CCDC6: variants seen among roughly 807,000 people sequenced by gnomAD.
CCDC6 encodes the protein coiled-coil domain containing 6, also known as coiled-coil domain-containing protein 6.
A neutral mutation model predicts 56.6 loss-of-function variants in CCDC6; 20 were observed. The ratio of observed to expected loss-of-function variants is 0.35; its 90% CI spans 0.25 to 0.51. The LOEUF (loss-of-function observed/expected upper bound fraction) is 0.51, where lower values mean the gene tolerates loss of function less well. Ranked by LOEUF, CCDC6 falls within the 20% of genes least tolerant of loss-of-function variation. CCDC6 has a pLI of 0.95. For synonymous variants in CCDC6, 241 were observed against 234.4 expected, an observed-to-expected ratio of 1.03 and a Z score of -0.26; for missense variants, 367 against 601.1, an observed-to-expected ratio of 0.61 and a Z score of 4.07.
intron 2 of CCDC6, among the ~76,000 whole-genome samples, chr10:59,852,203 C>T (rs1213224145): frequency 6.6e-6 from 1 of 152,142 alleles, no homozygotes; most frequent in Non-Finnish European, 1.5e-5. Flanking sequence ...AAAAAGTTTA[C>T]GTACTTATTA....
chr10:59,834,699 G>T (rs1430270010), intron 2 of CCDC6, among the ~76,000 whole-genome samples: 4 of 152,084 alleles, frequency 2.6e-5, no homozygotes, highest in African/African-American at 9.7e-5. Flanking sequence ...CGTCAATCTT[G>T]CAGGGACCCA....
chr10:59,837,075 C>T (rs2070889532), intron 2 of CCDC6, among the ~76,000 whole-genome samples: 1 of 152,200 alleles, frequency 6.6e-6, no homozygotes, highest in Non-Finnish European at 1.5e-5. Context: ...TAGCCTTAAG[C>T]ATCATCCAAT....
At chr10:59,807,703 C>T (rs1427347942) in intron 5 of CCDC6, among the ~76,000 whole-genome samples, 1 of 152,100 alleles carries the variant, frequency 6.6e-6, no homozygotes, top group African/African-American at 2.4e-5. Context: ...TTGGAGTCTA[C>T]AAGTAGCCAC....
At chr10:59,872,489 C>T (rs550383654) in intron 1 of CCDC6, among the ~76,000 whole-genome samples, 7 of 152,268 alleles carry the variant, frequency 4.6e-5, no homozygotes, top group African/African-American at 1.7e-4. Flanking sequence ...CGAAGGTGTC[C>T]AGGGGTTGGG....
chr10:59,800,987 T>C (rs897039640), intron 7 of CCDC6, among the ~76,000 whole-genome samples: 1 of 152,176 alleles, frequency 6.6e-6, no homozygotes, highest in Non-Finnish European at 1.5e-5. Context: ...GAAAACACAC[T>C]AAGCAATATA....
Position 59,867,864 on chromosome 10 carries a change from C to T in CCDC6, c.304-15162G>A, listed in dbSNP as rs573920808. On this transcript the variant is annotated intron_variant, in intron 1 of 8. Transcript: ENST00000263102. ...GATTACAGGTGTGAGCCACTGTCCC[C>T]GGCCAAGAAAAATTTTAAATCTACC... 1.1e-3 allele frequency among the ~76,000 whole-genome samples: 173 copies of T among 152,224 alleles called. 1 individual carries two copies. The highest frequency in any genetic ancestry group is 4.0e-3 in the African/African-American group (167 of 41,532).
intron 1 of CCDC6, among the ~76,000 whole-genome samples, chr10:59,885,508 T>C (rs1248698447): frequency 6.6e-6 from 1 of 152,140 alleles, no homozygotes; most frequent in African/African-American, 2.4e-5. Context: ...CAAGTCTAAT[T>C]CAAGAGTGGT....
At chr10:59,880,808 C>T (rs181468463) in intron 1 of CCDC6, among the ~76,000 whole-genome samples, 3 of 152,312 alleles carry the variant, frequency 2.0e-5, no homozygotes, top group East Asian at 1.9e-4. Flanking sequence ...AACTCTTATA[C>T]TCACAGGCTC....
chr10:59,895,673 CA>C (rs1465858818), intron 1 of CCDC6, among the ~76,000 whole-genome samples: 2 of 152,178 alleles, frequency 1.3e-5, no homozygotes, highest in African/African-American at 4.8e-5. Flanking sequence ...CTTTTTCCTT[CA>C]AACCTTTTAA....
At chr10:59,896,895 C>T (rs901645777) in intron 1 of CCDC6, among the ~76,000 whole-genome samples, 2 of 149,760 alleles carry the variant, frequency 1.3e-5, no homozygotes, top group African/African-American at 5.1e-5. Flanking sequence ...TCTCTGGGTA[C>T]CTAAGGTATT....
Position 59,789,514 on chromosome 10 carries a change from A to C in CCDC6, c.*3403T>G, listed in dbSNP as rs1353769322. ...ATCACCAAAAACCTAGAAACCCCTT[A>C]ATCTCTTACAATGGCTCTTGAGCAT... On this transcript the variant is annotated 3_prime_UTR_variant, in exon 9 of 9. Coordinates refer to ENST00000263102, the MANE Select transcript of CCDC6 (RefSeq NM_005436.5). 2 of 233,090 alleles carry C rather than the reference A, an allele frequency of 8.6e-6. No homozygotes were observed. Among genetic ancestry groups the C allele is most frequent in the Non-Finnish European group, 1.7e-5 (2 of 117,780 alleles). 14.4% of individuals were successfully genotyped at this position (233,090 alleles called of 1,614,324 possible). A position where few individuals can be genotyped will look rare whatever the true frequency, so the allele number is the denominator to read the frequency against.
chr10:59,820,179 T>G (rs906079289), intron 3 of CCDC6, among the ~76,000 whole-genome samples: 1 of 152,210 alleles, frequency 6.6e-6, no homozygotes, highest in African/African-American at 2.4e-5. Flanking sequence ...TGGCTCCCAA[T>G]GCTACCACAG....
At chr10:59,813,365 T>C (rs9971121) in intron 4 of CCDC6, among the ~76,000 whole-genome samples, 75,940 of 152,054 alleles carry the variant, frequency 0.5, 20,113 homozygotes, top group African/African-American at 0.69. Context: ...CCAAAATTGT[T>C]AGGTTAATAA....
At chr10:59,808,491 CAA>C (rs1158952642) in intron 5 of CCDC6, among the ~76,000 whole-genome samples, 1 of 152,208 alleles carries the variant, frequency 6.6e-6, no homozygotes, top group African/African-American at 2.4e-5. Flanking sequence ...TTATCTAATA[CAA>C]AATGTGGTGT....
chr10:59,801,188 TA>T (rs949787921), intron 7 of CCDC6, among the ~76,000 whole-genome samples: 6 of 151,642 alleles, frequency 4.0e-5, no homozygotes, highest in African/African-American at 1.5e-4. Flanking sequence ...TATCTTTGGC[TA>T]AAGAAAAAAA....
intron 3 of CCDC6, 58 bp from the exon 4 acceptor site, chr10:59,814,813 A>G: frequency 8.9e-7 from 1 of 1,129,322 alleles, no homozygotes; most frequent in Non-Finnish European, 1.3e-6. Flanking sequence ...TTGTTAATAC[A>G]TTTTTTGATT....
At chr10:59,892,615 A>G (rs1244280105) in intron 1 of CCDC6, among the ~76,000 whole-genome samples, 1 of 152,246 alleles carries the variant, frequency 6.6e-6, no homozygotes, top group Non-Finnish European at 1.5e-5. Flanking sequence ...GGAGGACAAT[A>G]GAAGGGGGTG....
rs114616818 is a variant in CCDC6, at chr10:59,807,613, G to T, written c.848-535C>A. Reference sequence around the variant, plus strand: ...TTGCATTTAGAAAAAAATATAAAAGGCAGTGTTGGCAGGTTAGGCATCGTC... The same window carrying T: ...TTGCATTTAGAAAAAAATATAAAAGTCAGTGTTGGCAGGTTAGGCATCGTC... On this transcript the variant is annotated intron_variant, in intron 5 of 8. Transcript: ENST00000263102. 7.1e-3 allele frequency among the ~76,000 whole-genome samples: 1,086 copies of T among 152,214 alleles called. 16 individuals carry two copies. Among genetic ancestry groups the T allele is most frequent in the African/African-American group, 0.025 (1,041 of 41,520 alleles).
Position 59,874,118 on chromosome 10 carries a change from AAC to A in CCDC6, c.304-21418_304-21417del, listed in dbSNP as rs55812153. ...CATTTCCTTACACATTTACCTAGCA[AAC>A]ACACACACACACACACACACACACG... On this transcript the variant is annotated intron_variant, in intron 1 of 8. Coordinates refer to ENST00000263102, the MANE Select transcript of CCDC6 (RefSeq NM_005436.5). Among the ~76,000 whole-genome samples, 722 of 148,638 alleles carry A rather than the reference AAC, an allele frequency of 4.9e-3. 6 individuals carry two copies. Among genetic ancestry groups the A allele is most frequent in the African/African-American group, 0.016 (655 of 40,234 alleles).
Sources: gnomAD v4.1 joint callset for allele counts (sites outside exome capture counted in the v4.1 genomes callset) on GRCh38, gnomAD v4.1.1 for gene constraint, MANE v1.5 for transcripts, NCBI Gene and HGNC (gene_info 2026-07-23, HGNC 2026-07-21) for gene names.